The following PARG variants were observed in gnomAD, a reference collection of about 807,000 sequenced individuals.
The protein encoded by PARG is poly(ADP-ribose) glycohydrolase.
A neutral mutation model predicts 113.0 loss-of-function variants in PARG; 35 were observed. The observed-to-expected ratio is 0.31, with a 90% CI of 0.24 to 0.41. The LOEUF (loss-of-function observed/expected upper bound fraction) is 0.41, where lower values mean the gene tolerates loss of function less well. Among genes scored for constraint, PARG ranks in the 10% least tolerant of loss-of-function variants. The pLI, the probability that PARG is intolerant of heterozygous loss-of-function variation, is 1.00. For synonymous variants in PARG, 330 were observed against 409.9 expected, an observed-to-expected ratio of 0.81 and a Z score of 2.36; for missense variants, 797 against 1,169.4, an observed-to-expected ratio of 0.68 and a Z score of 4.64.
chr10:49,834,226 T>C (rs1844806948), intron 15 of PARG, among the ~76,000 whole-genome samples: 1 of 152,198 alleles, frequency 6.6e-6, no homozygotes, highest in South Asian at 2.1e-4. Context: ...GTCTGTGTCA[T>C]TAACGAACAA....
chr10:49,846,185 T>C lies in PARG; in HGVS notation c.2354-2553A>G, dbSNP rs570774232. Among the ~76,000 whole-genome samples, 50 of 151,232 alleles carry C rather than the reference T, an allele frequency of 3.3e-4. 1 individual carries two copies. The highest frequency in any genetic ancestry group is 9.9e-4 in the African/African-American group (41 of 41,270). ...AGAACCACTGACACATTAAAAAACA[T>C]AGATAGATCTCACATTACGCTAAGC... is the stretch of plus-strand genomic sequence containing the variant. On this transcript the variant is annotated intron_variant, in intron 13 of 17. Transcript: ENST00000616448.
intron 13 of PARG, among the ~76,000 whole-genome samples, chr10:49,853,152 G>A (rs1845835098): frequency 6.7e-6 from 1 of 150,206 alleles, no homozygotes; most frequent in Non-Finnish European, 1.5e-5. Flanking sequence ...TCCTGCCTCA[G>A]CCTCCCAAGT....
intron 16 of PARG, among the ~76,000 whole-genome samples, chr10:49,821,658 G>C (rs1844088750): frequency 2.0e-5 from 3 of 152,214 alleles, no homozygotes; most frequent in Non-Finnish European, 4.4e-5. Context: ...GGGATTACAG[G>C]CATGCGCCAA....
intron 15 of PARG, among the ~76,000 whole-genome samples, chr10:49,841,487 G>A (rs1462326978): frequency 2.0e-5 from 3 of 152,034 alleles, no homozygotes; most frequent in Non-Finnish European, 2.9e-5. Context: ...TATAGTAGGC[G>A]GCACTAAGTA....
chr10:49,896,472 A>C (rs1239105695), intron 7 of PARG, among the ~76,000 whole-genome samples: 1 of 152,098 alleles, frequency 6.6e-6, no homozygotes, highest in Non-Finnish European at 1.5e-5. Context: ...TTTAGTAGAG[A>C]TGGAGTTTTA....
At chr10:49,826,052 C>G (rs781927409) in intron 16 of PARG, among the ~76,000 whole-genome samples, 1 of 152,100 alleles carries the variant, frequency 6.6e-6, no homozygotes, top group Non-Finnish European at 1.5e-5. Context: ...GAGCATCATG[C>G]GCTCAAAAAC....
intron 7 of PARG, among the ~76,000 whole-genome samples, chr10:49,915,411 T>G (rs1194781042): frequency 9.2e-5 from 14 of 152,144 alleles, no homozygotes; most frequent in South Asian, 4.1e-4. Context: ...ACTGGCAGCA[T>G]AGTAAATTGC....
chr10:49,843,733 A>G, intron 13 of PARG, 101 bp from the exon 14 acceptor site: 1 of 771,316 alleles, frequency 1.3e-6, no homozygotes, highest in Non-Finnish European at 2.2e-6. Context: ...CACTGTACTG[A>G]AGGTCTCTCC....
intron 16 of PARG, among the ~76,000 whole-genome samples, chr10:49,821,015 T>G (rs1178053528): frequency 6.6e-6 from 1 of 152,146 alleles, no homozygotes; most frequent in African/African-American, 2.4e-5. Flanking sequence ...TCTAATGTTC[T>G]CCTTAATCCC....
chr10:49,938,294 T>C (rs1293829736), intron 1 of PARG, among the ~76,000 whole-genome samples: 4,155 of 152,308 alleles, frequency 0.027, 96 homozygotes, highest in Non-Finnish European at 0.038. Context: ...CTCAATATGT[T>C]ATCTCCCGAC....
At chr10:49,855,399 G>A (rs2132511035) in intron 13 of PARG, among the ~76,000 whole-genome samples, 1 of 61,278 alleles carries the variant, frequency 1.6e-5, no homozygotes, top group Middle Eastern at 4.7e-3. Context: ...CGTAATTTGG[G>A]AGTCCCAGAA....
At chr10:49,821,105 C>T (rs941330870) in intron 16 of PARG, among the ~76,000 whole-genome samples, 21 of 152,230 alleles carry the variant, frequency 1.4e-4, no homozygotes, top group African/African-American at 4.8e-4. Flanking sequence ...CACTGCAGAA[C>T]TCCCGTTCTG....
At chr10:49,936,743 A>T (rs1282515828) in intron 1 of PARG, among the ~76,000 whole-genome samples, 2 of 152,186 alleles carry the variant, frequency 1.3e-5, no homozygotes, top group African/African-American at 4.8e-5. Flanking sequence ...ACCTCTCCTA[A>T]AACACCATAT....
intron 7 of PARG, among the ~76,000 whole-genome samples, chr10:49,894,952 G>A (rs1848003204): frequency 6.6e-6 from 1 of 152,046 alleles, no homozygotes; most frequent in Non-Finnish European, 1.5e-5. Context: ...AATCCTTGGG[G>A]TTCCTTGGCA....
chr10:49,941,937 G>C lies in PARG; in HGVS notation c.-212C>G. 1.0e-6 allele frequency: 1 copy of C among 959,758 alleles called. No individual in the cohort carries two copies. The highest frequency in any genetic ancestry group is 1.6e-6 in the Non-Finnish European group (1 of 615,090). 59.5% of individuals were successfully genotyped at this position (959,758 alleles called of 1,614,324 possible). On this transcript the variant is annotated 5_prime_UTR_variant, in exon 1 of 18. Transcript: ENST00000616448. ...TCCCTCTTCCACTGGCACCCCACCT[G>C]CCTCAATGCGCCGCTTTGATTCGGG... is the stretch of plus-strand genomic sequence containing the variant.
intron 13 of PARG, among the ~76,000 whole-genome samples, chr10:49,850,046 T>C (rs1403377610): frequency 6.7e-6 from 1 of 148,566 alleles, no homozygotes; most frequent in Non-Finnish European, 1.5e-5. Context: ...TATTTTTATC[T>C]ACATTAGCAT....
intron 13 of PARG, 159 bp downstream of exon 13, chr10:49,857,147 G>T (rs1554835189): frequency 5.5e-6 from 3 of 543,286 alleles, no homozygotes; most frequent in Non-Finnish European, 9.8e-6. Flanking sequence ...GGAAAATAAG[G>T]CTGTAATAAT....
chr10:49,892,784 C>T (rs1412065602), intron 7 of PARG, among the ~76,000 whole-genome samples: 1 of 152,120 alleles, frequency 6.6e-6, no homozygotes, highest in Non-Finnish European at 1.5e-5. Flanking sequence ...GTTTGCAGAT[C>T]AGCAACTAGA....
chr10:49,909,191 C>T (rs563520930), intron 7 of PARG, among the ~76,000 whole-genome samples: 103 of 152,214 alleles, frequency 6.8e-4, no homozygotes, highest in Middle Eastern at 3.4e-3. Context: ...CATAAACATA[C>T]AACTATTGTG....
Sources: allele counts gnomAD v4.1 joint callset (sites outside exome capture counted in the v4.1 genomes callset), GRCh38; gene constraint gnomAD v4.1.1; transcripts MANE v1.5; gene names NCBI Gene and HGNC (gene_info 2026-07-23, HGNC 2026-07-21).